Variants in GH1 observed in about 807,000 individuals in gnomAD.
GH1 encodes growth hormone 1, also known as somatotropin.
GH1 carries 13 observed loss-of-function variants against 24.5 expected under a neutral mutation model. The observed-to-expected ratio is 0.53, with a 90% CI of 0.35 to 0.85. The LOEUF is 0.85. Among genes scored for constraint, GH1 ranks in the 40% least tolerant of loss-of-function variants. The probability of loss-of-function intolerance (pLI) is 0.01; values close to 1 mark genes in which losing one functional copy is unlikely to be tolerated. For missense variants in GH1, 294 were observed against 273.2 expected (o/e 1.08, Z -0.54); for synonymous variants, 126 against 116.3 (o/e 1.08, Z -0.54).
Position 63,917,240 on chromosome 17 carries a change from C to T in GH1, c.*69G>A. The stretch of plus-strand genomic sequence containing the variant: ...ATTTTATTAGGACAAGGCTGGTGGG[C>T]ACTGGAGTGGCAACTTCCAGGGCCA... On this transcript the variant is annotated 3_prime_UTR_variant, in exon 5 of 5. Coordinates refer to ENST00000323322, the MANE Select transcript of GH1 (RefSeq NM_000515.5). 6.2e-7 allele frequency: 1 copy of T among 1,611,344 alleles called. No individual in the cohort carries two copies. Among genetic ancestry groups the T allele is most frequent in the Non-Finnish European group, 8.5e-7 (1 of 1,177,594 alleles).
chr17:63,918,638 C>T (rs2144741728), intron 1 of GH1, 129 bp downstream of exon 1: 1 of 1,609,772 alleles, frequency 6.2e-7, no homozygotes, highest in Non-Finnish European at 8.5e-7. Context: ...TGGCCAAATA[C>T]TGGGCTTACA....
rs777642354 is a variant in GH1, at chr17:63,917,283, G to T, written c.*26C>A. 4 of 1,613,978 alleles carry T rather than the reference G, an allele frequency of 2.5e-6. No homozygotes were observed. In the South Asian group the frequency reaches 3.3e-5, roughly 13 times the overall value. On this transcript the variant is annotated 3_prime_UTR_variant, in exon 5 of 5. Transcript: ENST00000323322. ...CAGGGCCAGGAGAGGCACTGGGGAG[G>T]GGTCACAGGGATGCCACCCGGGCAG...
In GH1 at chr17:63,917,656, T is replaced by C. The variant is rs765131820; in HGVS notation, c.456+104A>G. On this transcript the variant is annotated intron_variant, in intron 4 of 4. Transcript: ENST00000323322. ...AAATGAAGAATAAGGTGAGTTCTCT[T>C]GGGTCAGGGCCTGACTGCTAAAAAG... 2.9e-4 allele frequency: 474 copies of C among 1,613,882 alleles called. 2 individuals carry two copies. The highest frequency in any genetic ancestry group is 3.9e-4 in the Non-Finnish European group (458 of 1,179,896).
At chr17:63,918,323 G>C (rs770908005) in intron 2 of GH1, 23 bp downstream of exon 2, 2 of 1,613,658 alleles carry the variant, frequency 1.2e-6, no homozygotes, top group South Asian at 1.1e-5. Flanking sequence ...CCCCTGATGC[G>C]CACCCATTCC....
chr17:63,918,089 G>C lies in GH1; in HGVS notation c.219C>G (p.Asn73Lys). 6.2e-7 allele frequency: 1 copy of C among 1,614,146 alleles called. No individual in the cohort carries two copies. Among genetic ancestry groups the C allele is most frequent in the Non-Finnish European group, 8.5e-7 (1 of 1,180,008 alleles). The change falls in exon 3 of 5, where the codon AAC (asparagine) becomes AAG (lysine). Residue 73 changes from asparagine (N) to lysine (K), a missense_variant. Transcript: ENST00000323322. ...CTGAGAAACAGAGGGAGGTCTGGGGGTTCTGCAGGAATGAATACTTCTGTT... is the reference window on the plus strand; with the variant it reads ...CTGAGAAACAGAGGGAGGTCTGGGGCTTCTGCAGGAATGAATACTTCTGTT... ...PKEQKYSFLQ[N>K]PQTSLCFSES...
intron 1 of GH1, 115 bp from the exon 2 acceptor site, chr17:63,918,621 C>T: frequency 6.2e-7 from 1 of 1,609,742 alleles, no homozygotes; most frequent in South Asian, 1.1e-5. Context: ...CAGGAGCTTT[C>T]TGAGATTGGC....
intron 2 of GH1, 63 bp downstream of exon 2, chr17:63,918,283 C>A: frequency 3.1e-6 from 5 of 1,611,646 alleles, no homozygotes; most frequent in Non-Finnish European, 4.2e-6. Flanking sequence ...CTCTTATTTC[C>A]CAGCGGGGGA....
Position 63,917,802 on chromosome 17 carries a change from G to A in GH1, c.414C>T (p.Asp138=), listed in dbSNP as rs1907436311. 6.2e-7 allele frequency: 1 copy of A among 1,614,112 alleles called. No homozygotes were observed. Among genetic ancestry groups the A allele is most frequent in the Non-Finnish European group, 8.5e-7 (1 of 1,180,060 alleles). The change falls in exon 4 of 5, where the codon GAC becomes GAT. Residue 138 remains aspartate (D), a synonymous_variant. Transcript: ENST00000323322. ...TGCCTTCCTCTAGGTCCTTTAGGAG[G>A]TCATAGACGTTGCTGTCAGAGGCGC... is the stretch of plus-strand genomic sequence containing the variant. The part of the protein sequence containing the change: ...VYGASDSNVY[D]LLKDLEEGIQ...
At chr17:63,918,660 A>C in intron 1 of GH1, 107 bp downstream of exon 1, 2 of 1,610,808 alleles carry the variant, frequency 1.2e-6, no homozygotes, top group Non-Finnish European at 1.7e-6. Flanking sequence ...GGCGATACTC[A>C]CATTCAGAAG....
At chr17:63,918,664 TC>T in intron 1 of GH1, 102 bp downstream of exon 1, 1 of 1,611,230 alleles carries the variant, frequency 6.2e-7, no homozygotes, top group African/African-American at 1.3e-5. Context: ...ATACTCACAT[TC>T]AGAAGCCCCA....
At position 63,917,229 on chromosome 17, in the gene GH1, A is replaced by T. The variant is rs1377839573; in HGVS notation, c.*80T>A. 4 of 1,606,278 alleles carry T rather than the reference A, an allele frequency of 2.5e-6. No individual in the cohort carries two copies. Among genetic ancestry groups the T allele is most frequent in the Non-Finnish European group, 3.4e-6 (4 of 1,173,384 alleles). On this transcript the variant is annotated 3_prime_UTR_variant, in exon 5 of 5. Transcript: ENST00000323322. ...GATGCAACTTAATTTTATTAGGACAAGGCTGGTGGGCACTGGAGTGGCAAC... is the reference window on the plus strand; with the variant it reads ...GATGCAACTTAATTTTATTAGGACATGGCTGGTGGGCACTGGAGTGGCAAC...
chr17:63,918,757 G>C lies in GH1; in HGVS notation c.10+10C>G. On this transcript the variant is annotated intron_variant, in intron 1 of 4. Transcript: ENST00000323322. ...CACATTGTGCCCAAAGGGATTTTAG[G>C]GGCGCTTACCTGTAGCCATTGCAGC... 1 of 1,613,938 alleles carries C rather than the reference G, an allele frequency of 6.2e-7. No homozygotes were observed. Among genetic ancestry groups the C allele is most frequent in the Non-Finnish European group, 8.5e-7 (1 of 1,179,862 alleles).
Position 63,917,424 on chromosome 17 carries a change from T to G in GH1, c.539A>C (p.Asp180Ala), listed in dbSNP as rs750357948. 6 of 1,613,990 alleles carry G rather than the reference T, an allele frequency of 3.7e-6. No homozygotes were observed. Among genetic ancestry groups the G allele is most frequent in the Non-Finnish European group, 5.1e-6 (6 of 1,179,878 alleles). Residue 180 changes from aspartate to alanine, a missense_variant, in exon 5 of 5, where the codon GAC (aspartate) becomes GCC (alanine). Coordinates refer to ENST00000323322, the MANE Select transcript of GH1 (RefSeq NM_000515.5). Reference protein sequence around the residue: ...SKFDTNSHNDDALLKNYGLLY... With the variant: ...SKFDTNSHNDAALLKNYGLLY... The stretch of plus-strand genomic sequence containing the variant: ...CAGCCCGTAGTTCTTGAGTAGTGCG[T>G]CATCGTTGTGTGAGTTTGTGTCGAA...
rs752738695 is a variant in GH1, at chr17:63,917,885, A to G, written c.331T>C (p.Ser111Pro). ...AGGAACTGCACGGGCTCCAGCCACG[A>G]CTGGATGAGCAGCAGGGAGATGCGG... Reference protein sequence around the residue: ...LLRISLLLIQSWLEPVQFLRS... With the variant: ...LLRISLLLIQPWLEPVQFLRS... Residue 111 changes from serine to proline, a missense_variant, in exon 4 of 5, where the codon TCG becomes CCG. Physicochemically the swap from Ser to Pro is moderately conservative, Grantham distance 74 (BLOSUM62 -1). Transcript: ENST00000323322. The G allele has an allele frequency of 3.8e-5, 61 of 1,614,054 alleles. No individual in the cohort carries two copies. The highest frequency in any genetic ancestry group is 5.0e-5 in the Non-Finnish European group (59 of 1,180,030).
In GH1 at chr17:63,917,754, C is replaced by T; in HGVS notation, c.456+6G>A. On this transcript the variant is annotated splice_donor_region_variant and intron_variant, in intron 4 of 4. Coordinates refer to ENST00000323322, the MANE Select transcript of GH1 (RefSeq NM_000515.5). ...CAGGATTGGGGACCCCTGGCGCCAC[C>T]CTCACCCCCATCAGCGTTTGGATGC... is the stretch of plus-strand genomic sequence containing the variant. The T allele has an allele frequency of 6.2e-7, 1 of 1,614,162 alleles. No homozygotes were observed. The highest frequency in any genetic ancestry group is 1.7e-5 in the Admixed American group (1 of 60,024).
chr17:63,918,291 G>T, intron 2 of GH1, 55 bp downstream of exon 2: 1 of 1,612,394 alleles, frequency 6.2e-7, no homozygotes, highest in African/African-American at 1.3e-5. Context: ...TCCCAGCGGG[G>T]GAAAGTCACC....
intron 4 of GH1, 50 bp downstream of exon 4, chr17:63,917,710 C>G (rs982649944): frequency 1.2e-6 from 2 of 1,614,052 alleles, no homozygotes; most frequent in Non-Finnish European, 1.7e-6. Flanking sequence ...TAACACAGCT[C>G]TCAAAGTCAG....
At position 63,918,829 on chromosome 17, in the gene GH1, T is replaced by C. The variant is rs370080186; in HGVS notation, c.-53A>G. 2,537 of 1,612,930 alleles carry C rather than the reference T, an allele frequency of 1.6e-3. 48 individuals carry two copies. In the African/African-American group the frequency reaches 0.03, roughly 19 times the overall value. On this transcript the variant is annotated 5_prime_UTR_variant, in exon 1 of 5. Transcript: ENST00000323322. ...CCTGAGTGGTTCGGGGAGTTGGGCCTTGGGATCCTTGAGCTGGTCTCTTGT... is the reference window on the plus strand; with the variant it reads ...CCTGAGTGGTTCGGGGAGTTGGGCCCTGGGATCCTTGAGCTGGTCTCTTGT...
intron 2 of GH1, 54 bp from the exon 3 acceptor site, chr17:63,918,190 A>C (rs1372401081): frequency 6.2e-7 from 1 of 1,614,000 alleles, no homozygotes; most frequent in Non-Finnish European, 8.5e-7. Context: ...TCCCATTGTT[A>C]CTTTTCTGGG....
Sources: gnomAD v4.1 joint callset for allele counts on GRCh38, gnomAD v4.1.1 for gene constraint, MANE v1.5 for transcripts, NCBI Gene and HGNC (gene_info 2026-07-23, HGNC 2026-07-21) for gene names.